The following TANC2 variants were observed in gnomAD, a reference collection of about 807,000 sequenced individuals.
TANC2 encodes tetratricopeptide repeat, ankyrin repeat and coiled-coil containing 2, also known as protein TANC2.
In TANC2, 26 loss-of-function variants were observed where a neutral mutation model predicts 210.5. That is an observed-to-expected ratio of 0.12 (90% confidence interval 0.09 to 0.17). The LOEUF (loss-of-function observed/expected upper bound fraction) is 0.17. Ranked by LOEUF, TANC2 falls within the 10% of genes least tolerant of loss-of-function variation. The pLI is 1.00. For synonymous variants in TANC2, 931 were observed against 967.1 expected (o/e 0.96, Z 0.69); for missense variants, 2,129 against 2,608.9 (o/e 0.82, Z 4.01).
chr17:63,194,034 G>T (rs1368827241), exon 6 of TANC2: 1 of 1,613,244 alleles, frequency 6.2e-7, no homozygotes, highest in South Asian at 1.1e-5. Context: ...CTGTAGATGA[G>T]GCAGCAAACA....
intron 14 of TANC2, among the ~76,000 whole-genome samples, chr17:63,369,907 T>C (rs780347434): frequency 6.6e-6 from 1 of 151,704 alleles, no homozygotes; most frequent in Non-Finnish European, 1.5e-5. Flanking sequence ...CTGGCCTAAT[T>C]GCAGTTTTTA....
At chr17:63,073,425 A>G (rs551208315) in intron 2 of TANC2, among the ~76,000 whole-genome samples, 1 of 152,272 alleles carries the variant, frequency 6.6e-6, no homozygotes, top group African/African-American at 2.4e-5. Context: ...TTTAAAAATC[A>G]TGGTAAAATA....
chr17:63,375,705 A>G (rs1338807338), intron 14 of TANC2, among the ~76,000 whole-genome samples: 1 of 152,246 alleles, frequency 6.6e-6, no homozygotes, highest in Non-Finnish European at 1.5e-5. Context: ...TACTTCATAA[A>G]TGCTTTGTAT....
At chr17:63,223,989 C>T (rs2042263305) in intron 7 of TANC2, among the ~76,000 whole-genome samples, 1 of 152,156 alleles carries the variant, frequency 6.6e-6, no homozygotes, top group Admixed American at 6.5e-5. Context: ...ACTACAGTGG[C>T]ATTGCAAAGC....
At chr17:63,156,653 T>G (rs1356220712) in intron 5 of TANC2, among the ~76,000 whole-genome samples, 1 of 152,122 alleles carries the variant, frequency 6.6e-6, no homozygotes, top group African/African-American at 2.4e-5. Context: ...GCATAAGAAC[T>G]AGAATATGAA....
At chr17:63,059,983 G>A (rs1271959121) in intron 2 of TANC2, among the ~76,000 whole-genome samples, 1 of 152,090 alleles carries the variant, frequency 6.6e-6, no homozygotes, top group Non-Finnish European at 1.5e-5. Flanking sequence ...GATAGAGTTA[G>A]GATATACCTG....
At chr17:63,243,831 T>C (rs1008437980) in intron 8 of TANC2, among the ~76,000 whole-genome samples, 3 of 152,196 alleles carry the variant, frequency 2.0e-5, no homozygotes, top group Admixed American at 1.3e-4. Context: ...ATAAGTTCCA[T>C]CAAGTTCAAG....
At chr17:63,114,824 C>G (rs1399471051) in intron 4 of TANC2, among the ~76,000 whole-genome samples, 2 of 152,050 alleles carry the variant, frequency 1.3e-5, no homozygotes, top group African/African-American at 2.4e-5. Flanking sequence ...AATTAGTAAC[C>G]AAGGGGAAGA....
chr17:63,055,718 G>A (rs896822514), intron 2 of TANC2, among the ~76,000 whole-genome samples: 1 of 149,926 alleles, frequency 6.7e-6, no homozygotes, highest in Non-Finnish European at 1.5e-5. Context: ...AATATTATGT[G>A]AAGGAGGCCT....
chr17:63,141,865 A>G (rs948850602), intron 4 of TANC2, among the ~76,000 whole-genome samples: 1 of 152,232 alleles, frequency 6.6e-6, no homozygotes, highest in Non-Finnish European at 1.5e-5. Flanking sequence ...AAAAGTTTGT[A>G]TAAAGCTCTA....
intron 1 of TANC2, among the ~76,000 whole-genome samples, chr17:62,992,114 A>T (rs2143592021): frequency 6.6e-6 from 1 of 152,342 alleles, no homozygotes; most frequent in South Asian, 2.1e-4. Context: ...TGCATAGGTT[A>T]TGTGCAAACA....
intron 17 of TANC2, chr17:63,390,618 C>T (rs2047937759): frequency 6.6e-6 from 1 of 152,220 alleles, no homozygotes; most frequent in African/African-American, 2.4e-5. Flanking sequence ...TGTGCCACCA[C>T]ACTCAGCTTT....
At chr17:63,014,895 G>A (rs548886395) in intron 2 of TANC2, among the ~76,000 whole-genome samples, 109 of 152,100 alleles carry the variant, frequency 7.2e-4, no homozygotes, top group Middle Eastern at 6.9e-3. Context: ...TTTGTATTGT[G>A]TATGCAGAGA....
intron 9 of TANC2, among the ~76,000 whole-genome samples, chr17:63,272,817 A>G (rs560934338): frequency 6.6e-6 from 1 of 152,244 alleles, no homozygotes; most frequent in African/African-American, 2.4e-5. Context: ...TGACTGACTG[A>G]TTTCAAGTGT....
chr17:63,016,009 A>C (rs957197252), intron 2 of TANC2, among the ~76,000 whole-genome samples: 1 of 152,098 alleles, frequency 6.6e-6, no homozygotes, highest in African/African-American at 2.4e-5. Context: ...GCAATTTCAG[A>C]TATTCGGGAA....
Position 63,412,783 on chromosome 17 carries a change from G to A in TANC2, c.3928+74G>A. On this transcript the variant is annotated intron_variant, in intron 24 of 27. Coordinates refer to ENST00000689528, the Ensembl canonical transcript of TANC2. The surrounding 1 kb of genome is among the most constrained non-coding windows in gnomAD (Gnocchi z 4.2). ...GCTTTGCCTTCTCCTCTTTGGTTTAGCCTGCATGAGTTCCCTACACCTCTA... is the reference window on the plus strand; with the variant it reads ...GCTTTGCCTTCTCCTCTTTGGTTTAACCTGCATGAGTTCCCTACACCTCTA... The A allele has an allele frequency of 6.6e-7, 1 of 1,505,212 alleles. No homozygotes were observed. Among genetic ancestry groups the A allele is most frequent in the Non-Finnish European group, 8.9e-7 (1 of 1,129,354 alleles). The allele number at this position is 1,505,212 out of a possible 1,614,324, so 93.2% of individuals were successfully genotyped here.
chr17:63,307,561 T>C (rs367582208), intron 9 of TANC2, among the ~76,000 whole-genome samples: 31 of 152,368 alleles, frequency 2.0e-4, no homozygotes, highest in East Asian at 1.5e-3. Flanking sequence ...GGATTTCTGC[T>C]ACATTTTTAT....
chr17:63,312,850 A>C lies in TANC2; in HGVS notation c.1160-1538A>C, dbSNP rs928128606. 3.3e-5 allele frequency among the ~76,000 whole-genome samples: 5 copies of C among 152,340 alleles called. No homozygotes were observed. The East Asian group carries it at 9.6e-4, about 29-fold the overall frequency. On this transcript the variant is annotated intron_variant, in intron 9 of 27. Coordinates refer to ENST00000689528, the Ensembl canonical transcript of TANC2. Reference sequence around the variant, plus strand: ...AACCCCCCACAACCCCACTTTAGTTAATGAAAACTTTGGGCATTTTGTTTC... The same window carrying C: ...AACCCCCCACAACCCCACTTTAGTTCATGAAAACTTTGGGCATTTTGTTTC...
intron 3 of TANC2, among the ~76,000 whole-genome samples, chr17:63,076,618 A>C (rs2036580775): frequency 6.6e-6 from 1 of 152,176 alleles, no homozygotes; most frequent in Non-Finnish European, 1.5e-5. Context: ...TGTATGAAAG[A>C]TAGAAGTTAA....
Sources: gnomAD v4.1 joint callset for allele counts (sites outside exome capture counted in the v4.1 genomes callset) on GRCh38, gnomAD v4.1.1 for gene constraint, Gnocchi (gnomAD v3.1) non-coding constraint, MANE v1.5 for transcripts, NCBI Gene and HGNC (gene_info 2026-07-23, HGNC 2026-07-21) for gene names.